Variants in ITGA10 observed in about 807,000 individuals in gnomAD.
ITGA10 encodes the protein integrin subunit alpha 10, also known as integrin alpha-10.
Under a neutral mutation model 145.2 loss-of-function variants are expected in ITGA10, and 105 were observed. That is an observed-to-expected ratio of 0.72 (90% CI 0.62 to 0.85). ITGA10 has a LOEUF of 0.85. ITGA10 is among the 40% of genes least tolerant of loss of function. The pLI is 0.00. For missense variants in ITGA10, 1,317 were observed against 1,444.5 expected, an observed-to-expected ratio of 0.91 and a Z score of 1.43; for synonymous variants, 506 against 557.8, an observed-to-expected ratio of 0.91 and a Z score of 1.31.
chr1:145,909,039 A>G (rs1553752329), intron 1 of ITGA10, among the ~76,000 whole-genome samples: 2 of 152,158 alleles, frequency 1.3e-5, no homozygotes, highest in East Asian at 3.9e-4. Context: ...ATGGTGGCTC[A>G]TGCCTATAAT....
In ITGA10 at chr1:145,901,590, G is replaced by C. The variant is rs199638228; in HGVS notation, c.1369C>G (p.Arg457Gly). ...FLSGAPRFRHRGKVIAFQLKK... is the reference protein window; with the variant it reads ...FLSGAPRFRHGGKVIAFQLKK... Reference sequence around the variant, plus strand: ...AGCTGGAAGGCGATGACTTTTCCTCGATGTCTAAATCGAGGAGCCCCAGAG... The same window carrying C: ...AGCTGGAAGGCGATGACTTTTCCTCCATGTCTAAATCGAGGAGCCCCAGAG... Residue 457 changes from arginine to glycine, a missense_variant, in exon 12 of 30, where the codon CGA (arginine) becomes GGA (glycine). Arg to Gly is a moderately radical substitution (Grantham distance 125, BLOSUM62 -2). Coordinates refer to ENST00000369304, the MANE Select transcript of ITGA10 (RefSeq NM_003637.5). The surrounding 1 kb of genome is among the most constrained non-coding windows in gnomAD (Gnocchi z 4.3). The C allele has an allele frequency of 1.9e-6, 3 of 1,606,946 alleles. No individual in the cohort carries two copies. Among genetic ancestry groups the C allele is most frequent in the South Asian group, 1.1e-5 (1 of 90,130 alleles).
At chr1:145,897,986 G>A (rs771328419) in intron 18 of ITGA10, 86 bp from the exon 19 acceptor site, 355 of 1,331,988 alleles carry the variant, frequency 2.7e-4, no homozygotes, top group Non-Finnish European at 3.6e-4. Flanking sequence ...GACAAAAGTG[G>A]GTATATTTTG....
chr1:145,895,709 T>G lies in ITGA10; in HGVS notation c.3036A>C (p.Ala1012=), dbSNP rs1655293091. The change falls in exon 26 of 30, where the codon GCA becomes GCC. Residue 1012 remains alanine (A), a splice_region_variant and synonymous_variant. Coordinates refer to ENST00000369304, the MANE Select transcript of ITGA10 (RefSeq NM_003637.5). The stretch of plus-strand genomic sequence containing the variant: ...CAGTCAGGTTCTGCACTATGCAGCT[T>G]GCCTAGAGGAAGATCCAACTTGAAA... ...LSLSQVITNN[A]SCIVQNLTEP... 1 of 1,614,096 alleles carries G rather than the reference T, an allele frequency of 6.2e-7. No homozygotes were observed. Among genetic ancestry groups the G allele is most frequent in the South Asian group, 1.1e-5 (1 of 91,094 alleles).
chr1:145,907,203 A>G lies in ITGA10; in HGVS notation c.165-53T>C, dbSNP rs1657275263. On this transcript the variant is annotated intron_variant, in intron 2 of 29. Coordinates refer to ENST00000369304, the MANE Select transcript of ITGA10 (RefSeq NM_003637.5). ...GCACAGGGCAAACATGACCCTTGACATAGGCCAAAGGGAAAGAGCATGGAG... is the reference window on the plus strand; with the variant it reads ...GCACAGGGCAAACATGACCCTTGACGTAGGCCAAAGGGAAAGAGCATGGAG... The G allele has an allele frequency of 1.9e-6, 3 of 1,564,812 alleles. No homozygotes were observed. In the African/African-American group the frequency reaches 4.0e-5, roughly 21 times the overall value.
intron 15 of ITGA10, 123 bp downstream of exon 15, chr1:145,899,934 A>T (rs1318649888): frequency 1.1e-6 from 1 of 951,442 alleles, no homozygotes. Flanking sequence ...CATTTTATAA[A>T]CTAAGAATGG....
chr1:145,904,831 T>C lies in ITGA10; in HGVS notation c.482-20A>G. The C allele has an allele frequency of 6.2e-7, 1 of 1,612,246 alleles. No homozygotes were observed. Among genetic ancestry groups the C allele is most frequent in the Non-Finnish European group, 8.5e-7 (1 of 1,178,602 alleles). ...GGCAGCCTAGAAGGAAGGAGAACAC[T>C]GAGGTAGAGGACACTGAGCTGGGGG... On this transcript the variant is annotated intron_variant, in intron 5 of 29. Coordinates refer to ENST00000369304, the MANE Select transcript of ITGA10 (RefSeq NM_003637.5).
At chr1:145,899,124 G>A in intron 16 of ITGA10, 46 bp from the exon 17 acceptor site, 1 of 1,614,236 alleles carries the variant, frequency 6.2e-7, no homozygotes. Context: ...GTCTAGTGAG[G>A]AAGGCATGCA....
At position 145,892,979 on chromosome 1, in the gene ITGA10, A is replaced by G. The variant is rs888651574; in HGVS notation, c.3439-116T>C. On this transcript the variant is annotated intron_variant, in intron 29 of 29. Coordinates refer to ENST00000369304, the MANE Select transcript of ITGA10 (RefSeq NM_003637.5). The stretch of plus-strand genomic sequence containing the variant: ...TTCTGTTTCCAAAAATGGAATTCAA[A>G]TTTATTTTATTTGGCTTAGAATAAT... 1.5e-5 allele frequency: 15 copies of G among 972,040 alleles called. No homozygotes were observed. The East Asian group carries it at 2.4e-4, about 15-fold the overall frequency. 60.2% of individuals were successfully genotyped at this position (972,040 alleles called of 1,614,324 possible).
rs77450491 is a variant in ITGA10 at position 145,891,367 on chromosome 1, G to A, written c.*1431C>T. On this transcript the variant is annotated 3_prime_UTR_variant, in exon 30 of 30. Coordinates refer to ENST00000369304, the MANE Select transcript of ITGA10 (RefSeq NM_003637.5). ...CCTCAGGAACAGCCTGGGAGGACAG[G>A]TTCTGTGACTGCTAGTCAACCACCC... 0.025 allele frequency: 3,762 copies of A among 152,744 alleles called. 80 individuals carry two copies. Among genetic ancestry groups the A allele is most frequent in the South Asian group, 0.039 (188 of 4,830 alleles). 9.5% of individuals were successfully genotyped at this position (152,744 alleles called of 1,614,324 possible).
intron 10 of ITGA10, 43 bp from the exon 11 acceptor site, chr1:145,902,064 G>C: frequency 6.3e-7 from 1 of 1,593,220 alleles, no homozygotes; most frequent in Non-Finnish European, 8.5e-7. Context: ...AGACAGTGGG[G>C]AATAAAGAGA....
intron 7 of ITGA10, among the ~76,000 whole-genome samples, chr1:145,903,566 A>G (rs145453063): frequency 7.6e-4 from 115 of 152,242 alleles, no homozygotes; most frequent in African/African-American, 2.7e-3. Flanking sequence ...TCTTTGTACC[A>G]TTAGTGTACA....
Position 145,896,032 on chromosome 1 carries a change from G to T in ITGA10, c.2984C>A (p.Ala995Asp), listed in dbSNP as rs373385026. ...TGATAGGAAGTAATTGCCCCCATGGGCCACAGCTGGAAGGAGGGCTGAGAT... is the reference window on the plus strand; with the variant it reads ...TGATAGGAAGTAATTGCCCCCATGGTCCACAGCTGGAAGGAGGGCTGAGAT... ...LIISALLPAV[A>D]HGGNYFLSLS... Residue 995 changes from alanine to aspartate, a missense_variant, in exon 25 of 30, where the codon GCC becomes GAC. Transcript: ENST00000369304. The T allele has an allele frequency of 1.4e-5, 23 of 1,614,018 alleles. No homozygotes were observed. Among genetic ancestry groups the T allele is most frequent in the African/African-American group, 8.0e-5 (6 of 74,906 alleles).
At chr1:145,893,430 A>G in intron 28 of ITGA10, 110 bp downstream of exon 28, 1 of 963,732 alleles carries the variant, frequency 1.0e-6, no homozygotes, top group Non-Finnish European at 1.6e-6. Context: ...GAACACTAGG[A>G]TCCTGCTGCC....
chr1:145,907,383 G>A lies in ITGA10; in HGVS notation c.135C>T (p.Val45=). ...GPPEAEFGYS[V]LQHVGGGQRW... ...GCTGTCCACCCCCAACATGTTGTAA[G>A]ACACTGTATCCAAATTCAGCTTCTG... The change falls in exon 2 of 30, where the codon GTC becomes GTT. Residue 45 remains valine (V), a synonymous_variant. Transcript: ENST00000369304. The A allele has an allele frequency of 6.2e-7, 1 of 1,614,174 alleles. No individual in the cohort carries two copies.
chr1:145,893,972 C>T (rs1553744044), intron 27 of ITGA10, among the ~76,000 whole-genome samples: 2 of 151,298 alleles, frequency 1.3e-5, no homozygotes, highest in African/African-American at 4.9e-5. Flanking sequence ...GGAAATCATT[C>T]CTCCTAACCC....
In ITGA10 at chr1:145,895,166, T is replaced by A. The variant is rs181581034; in HGVS notation, c.3228+114A>T. On this transcript the variant is annotated intron_variant, in intron 27 of 29. Transcript: ENST00000369304. ...ATGAAATAACTTGCTCATGGTCAAA[T>A]AGCTAGTAAGAGGCAAAAGTGAAAC... is the stretch of plus-strand genomic sequence containing the variant. 1.3e-4 allele frequency: 91 copies of A among 675,996 alleles called. No individual in the cohort carries two copies. The Admixed American group carries it at 1.9e-3, about 14-fold the overall frequency. 41.9% of individuals were successfully genotyped at this position (675,996 alleles called of 1,614,324 possible). A position where few individuals can be genotyped will look rare whatever the true frequency, so the allele number is the denominator to read the frequency against.
intron 17 of ITGA10, 53 bp from the exon 18 acceptor site, chr1:145,898,276 G>A: frequency 8.7e-7 from 1 of 1,152,558 alleles, no homozygotes; most frequent in Non-Finnish European, 1.3e-6. Flanking sequence ...TGTGATAATT[G>A]TAGTGATCAT....
intron 10 of ITGA10, 107 bp downstream of exon 10, chr1:145,902,139 G>C: frequency 6.4e-7 from 1 of 1,568,284 alleles, no homozygotes; most frequent in Non-Finnish European, 8.8e-7. Context: ...AAAGGCATGG[G>C]AAGGTGAGCA....
chr1:145,903,963 C>T (rs1289954534), intron 7 of ITGA10, 89 bp downstream of exon 7: 6 of 1,476,970 alleles, frequency 4.1e-6, no homozygotes, highest in Non-Finnish European at 4.7e-6. Flanking sequence ...GCTGGGATTA[C>T]AGGCGTGAGC....
Sources: allele counts gnomAD v4.1 joint callset (sites outside exome capture counted in the v4.1 genomes callset), GRCh38; gene constraint gnomAD v4.1.1; non-coding constraint Gnocchi (gnomAD v3.1); transcripts MANE v1.5; gene names NCBI Gene and HGNC (gene_info 2026-07-23, HGNC 2026-07-21).